KCNT2: variants seen among roughly 807,000 people sequenced by gnomAD.
The protein encoded by KCNT2 is potassium channel subfamily T member 2.
A neutral mutation model predicts 153.8 loss-of-function variants in KCNT2; 67 were observed. That is an observed-to-expected ratio of 0.44 (90% CI 0.36 to 0.53). The LOEUF is 0.53. Ranked by LOEUF, KCNT2 falls within the 20% of genes least tolerant of loss-of-function variation. KCNT2 has a pLI of 0.00. For synonymous variants in KCNT2, 500 were observed against 458.8 expected, an observed-to-expected ratio of 1.09 and a Z score of -1.15; for missense variants, 975 against 1,354.8, an observed-to-expected ratio of 0.72 and a Z score of 4.40.
At chr1:196,452,058 G>A (rs1676258702) in intron 8 of KCNT2, among the ~76,000 whole-genome samples, 1 of 151,852 alleles carries the variant, frequency 6.6e-6, no homozygotes, top group Middle Eastern at 3.2e-3. Context: ...ATCCTCTTAA[G>A]TTTAAATTCA....
chr1:196,483,275 A>G (rs1679157589), intron 3 of KCNT2, among the ~76,000 whole-genome samples: 1 of 152,152 alleles, frequency 6.6e-6, no homozygotes, highest in African/African-American at 2.4e-5. Context: ...TTCAGTCATT[A>G]CAACAAAATA....
Position 196,427,001 on chromosome 1 carries a change from C to G in KCNT2, c.985-1013G>C, listed in dbSNP as rs548017413. ...GTGGAATCGTAAGCCAATTAAATCT[C>G]TTTTCTTTATACATTATCCTCTCTC... On this transcript the variant is annotated intron_variant, in intron 10 of 27. Transcript: ENST00000294725. 5.3e-4 allele frequency among the ~76,000 whole-genome samples: 81 copies of G among 152,106 alleles called. 1 individual carries two copies. Among genetic ancestry groups the G allele is most frequent in the African/African-American group, 1.9e-3 (78 of 41,526 alleles).
At chr1:196,528,107 G>A (rs1043250094) in intron 1 of KCNT2, among the ~76,000 whole-genome samples, 5 of 152,036 alleles carry the variant, frequency 3.3e-5, no homozygotes, top group Admixed American at 1.3e-4. Context: ...AAAACCTTAC[G>A]TTTTTTCTGT....
intron 1 of KCNT2, among the ~76,000 whole-genome samples, chr1:196,565,490 T>C (rs1659999371): frequency 6.6e-6 from 1 of 151,810 alleles, no homozygotes; most frequent in East Asian, 1.9e-4. Context: ...CACTACTATG[T>C]TCATGTAGCA....
chr1:196,541,034 C>A (rs558008757), intron 1 of KCNT2, among the ~76,000 whole-genome samples: 1 of 151,638 alleles, frequency 6.6e-6, no homozygotes, highest in East Asian at 1.9e-4. Context: ...CCACTGCACT[C>A]CAGCCTGGGT....
Position 196,400,292 on chromosome 1 carries a change from A to T in KCNT2, c.1186-1621T>A, listed in dbSNP as rs1296005680. Among the ~76,000 whole-genome samples, 6 of 151,912 alleles carry T rather than the reference A, an allele frequency of 3.9e-5. No homozygotes were observed. The East Asian group carries it at 7.8e-4, about 20-fold the overall frequency. The stretch of plus-strand genomic sequence containing the variant: ...AAGGAAAGGGAAAAAATAGAAAGTA[A>T]ACCACTATATAAGTAAAAGGATGCC... On this transcript the variant is annotated intron_variant, in intron 12 of 27. Transcript: ENST00000294725.
chr1:196,579,511 T>G (rs1401591941), intron 1 of KCNT2, among the ~76,000 whole-genome samples: 1 of 152,036 alleles, frequency 6.6e-6, no homozygotes, highest in East Asian at 1.9e-4. Context: ...TCTTTTTTTT[T>G]GAGATGCAGT....
At chr1:196,429,911 G>C (rs1436647063) in intron 8 of KCNT2, among the ~76,000 whole-genome samples, 154 bp from the exon 9 acceptor site, 2 of 152,036 alleles carry the variant, frequency 1.3e-5, no homozygotes, top group Non-Finnish European at 2.9e-5. Flanking sequence ...GATATAATTA[G>C]TAAGTTCTTG....
chr1:196,399,775 G>C (rs1001144852), intron 12 of KCNT2, among the ~76,000 whole-genome samples: 3 of 151,760 alleles, frequency 2.0e-5, no homozygotes, highest in African/African-American at 7.2e-5. Flanking sequence ...CTCATCGTGA[G>C]GGCAGTCATC....
At chr1:196,260,567 A>G (rs1473524200) in intron 25 of KCNT2, among the ~76,000 whole-genome samples, 1 of 151,884 alleles carries the variant, frequency 6.6e-6, no homozygotes, top group Non-Finnish European at 1.5e-5. Context: ...AAAATAAGTA[A>G]CATTTCTTTA....
intron 14 of KCNT2, among the ~76,000 whole-genome samples, chr1:196,371,323 G>A (rs1168588614): frequency 6.8e-6 from 1 of 147,574 alleles, no homozygotes; most frequent in Non-Finnish European, 1.5e-5. Context: ...AGCAGAAATA[G>A]ATTGTGGTTG....
intron 1 of KCNT2, among the ~76,000 whole-genome samples, chr1:196,590,494 C>A (rs745392390): frequency 6.6e-6 from 1 of 152,108 alleles, no homozygotes; most frequent in Non-Finnish European, 1.5e-5. Flanking sequence ...CAAGCCCGCA[C>A]TCCTCCTCCA....
At chr1:196,508,277 C>A (rs1681323339) in intron 1 of KCNT2, among the ~76,000 whole-genome samples, 1 of 150,218 alleles carries the variant, frequency 6.7e-6, no homozygotes, top group African/African-American at 2.4e-5. Flanking sequence ...AAATCACCTC[C>A]TGAAATATTA....
intron 14 of KCNT2, among the ~76,000 whole-genome samples, chr1:196,358,941 A>C (rs1342854169): frequency 6.6e-6 from 1 of 151,994 alleles, no homozygotes; most frequent in Non-Finnish European, 1.5e-5. Context: ...GTTTTACCAT[A>C]TAGAAAGCAA....
intron 14 of KCNT2, among the ~76,000 whole-genome samples, chr1:196,370,191 C>A (rs1412578463): frequency 6.6e-6 from 1 of 151,928 alleles, no homozygotes; most frequent in South Asian, 2.1e-4. Flanking sequence ...TTATTTTTGA[C>A]AAGATTGCCA....
chr1:196,572,441 G>A (rs1660889996), intron 1 of KCNT2, among the ~76,000 whole-genome samples: 1 of 152,064 alleles, frequency 6.6e-6, no homozygotes, highest in Admixed American at 6.6e-5. Context: ...AAACTTAGAT[G>A]TCTTAATCTT....
intron 14 of KCNT2, among the ~76,000 whole-genome samples, chr1:196,354,505 T>C (rs939385308): frequency 6.6e-6 from 1 of 151,800 alleles, no homozygotes; most frequent in Non-Finnish European, 1.5e-5. Context: ...TTCTCCACCA[T>C]GTAGTAAAAG....
chr1:196,376,879 G>A (rs1022999092), intron 13 of KCNT2, among the ~76,000 whole-genome samples: 3 of 151,890 alleles, frequency 2.0e-5, no homozygotes, highest in Non-Finnish European at 4.4e-5. Context: ...AAGTGTAATC[G>A]AAGATGTAGG....
At chr1:196,331,985 T>C (rs548422274) in intron 17 of KCNT2, among the ~76,000 whole-genome samples, 31 of 152,130 alleles carry the variant, frequency 2.0e-4, no homozygotes, top group Admixed American at 3.9e-4. Flanking sequence ...ATGAAACTTC[T>C]AAAACGTAGC....
Sources: gnomAD v4.1 joint callset for allele counts (sites outside exome capture counted in the v4.1 genomes callset) on GRCh38, gnomAD v4.1.1 for gene constraint, MANE v1.5 for transcripts, NCBI Gene and HGNC (gene_info 2026-07-23, HGNC 2026-07-21) for gene names.